Variants in DOCK2 observed in about 807,000 individuals in gnomAD.
DOCK2 encodes the protein dedicator of cytokinesis protein 2.
In DOCK2, 87 loss-of-function variants were observed where a neutral mutation model predicts 248.9. The observed-to-expected ratio is 0.35, with a 90% confidence interval of 0.29 to 0.42. The LOEUF (loss-of-function observed/expected upper bound fraction) is 0.42, where lower values mean the gene tolerates loss of function less well. Ranked by LOEUF, DOCK2 falls within the 10% of genes least tolerant of loss-of-function variation. DOCK2 has a pLI of 1.00. For missense variants in DOCK2, 1,747 were observed against 2,300.2 expected (o/e 0.76, Z 4.92); for synonymous variants, 805 against 821.6 (o/e 0.98, Z 0.35).
chr5:169,993,367 G>A (rs1581511890), intron 29 of DOCK2, among the ~76,000 whole-genome samples: 1 of 152,170 alleles, frequency 6.6e-6, no homozygotes, highest in Non-Finnish European at 1.5e-5. Flanking sequence ...CTGTTGTCTG[G>A]CTCTTGCCTT....
chr5:170,025,038 C>T, intron 33 of DOCK2, among the ~76,000 whole-genome samples: 1 of 152,228 alleles, frequency 6.6e-6, no homozygotes, highest in Middle Eastern at 3.2e-3. Context: ...AGAAAAAATG[C>T]ACTTTTCTCC....
chr5:169,925,389 G>A (rs1296476962), intron 27 of DOCK2, among the ~76,000 whole-genome samples: 1 of 152,018 alleles, frequency 6.6e-6, no homozygotes, highest in Admixed American at 6.5e-5. Context: ...AGACCAGCCT[G>A]GCCAACATGG....
intron 34 of DOCK2, among the ~76,000 whole-genome samples, chr5:170,034,140 G>A (rs996705524): frequency 6.6e-6 from 1 of 152,088 alleles, no homozygotes; most frequent in Non-Finnish European, 1.5e-5. Flanking sequence ...TTCTCAGCAG[G>A]GGTGGGTAAA....
At chr5:169,787,848 T>C (rs1045730752) in intron 25 of DOCK2, among the ~76,000 whole-genome samples, 1 of 151,996 alleles carries the variant, frequency 6.6e-6, no homozygotes, top group Non-Finnish European at 1.5e-5. Context: ...TTTCTGCTCC[T>C]TTTCATTTTA....
intron 27 of DOCK2, among the ~76,000 whole-genome samples, chr5:169,902,696 C>G (rs932342521): frequency 6.6e-6 from 1 of 152,170 alleles, no homozygotes; most frequent in Admixed American, 6.5e-5. Flanking sequence ...ATTTTTTCCT[C>G]AAATCCTTCT....
At chr5:169,852,761 A>G (rs1249540149) in intron 27 of DOCK2, among the ~76,000 whole-genome samples, 1 of 152,238 alleles carries the variant, frequency 6.6e-6, no homozygotes, top group African/African-American at 2.4e-5. Flanking sequence ...ATTATTTTAC[A>G]GGCCTGCCTT....
intron 27 of DOCK2, among the ~76,000 whole-genome samples, chr5:169,907,258 A>G (rs1191954157): frequency 3.9e-5 from 6 of 152,202 alleles, no homozygotes; most frequent in Non-Finnish European, 7.3e-5. Flanking sequence ...GATACTGAAG[A>G]TACAGCGATG....
At chr5:170,054,521 A>G (rs1175721389) in intron 41 of DOCK2, among the ~76,000 whole-genome samples, 1 of 152,224 alleles carries the variant, frequency 6.6e-6, no homozygotes, top group Non-Finnish European at 1.5e-5. Flanking sequence ...GGCATCACTA[A>G]TCCACCATGG....
intron 40 of DOCK2, 135 bp from the exon 41 acceptor site, chr5:170,050,121 T>C: frequency 8.5e-7 from 1 of 1,177,728 alleles, no homozygotes. Flanking sequence ...CCTTTCCCTG[T>C]GGGGAAACCA....
chr5:169,945,057 A>G (rs1776390595), intron 27 of DOCK2, among the ~76,000 whole-genome samples: 1 of 152,240 alleles, frequency 6.6e-6, no homozygotes, highest in Non-Finnish European at 1.5e-5. Context: ...TGACCAGGAC[A>G]AAAGAGCATT....
At chr5:169,897,207 A>G (rs1216855013) in intron 27 of DOCK2, among the ~76,000 whole-genome samples, 1 of 151,956 alleles carries the variant, frequency 6.6e-6, no homozygotes, top group East Asian at 1.9e-4. Context: ...TTTTTTTGAG[A>G]CAGAGTCTTG....
At chr5:169,706,122 G>A (rs1291093531) in intron 14 of DOCK2, among the ~76,000 whole-genome samples, 2 of 152,178 alleles carry the variant, frequency 1.3e-5, no homozygotes, top group Admixed American at 1.3e-4. Flanking sequence ...ACTATCTTTG[G>A]CTTTTCTCTG....
At chr5:169,691,343 G>A (rs1373277198) in intron 9 of DOCK2, among the ~76,000 whole-genome samples, 2 of 152,138 alleles carry the variant, frequency 1.3e-5, no homozygotes, top group Non-Finnish European at 2.9e-5. Flanking sequence ...CATGAGATTT[G>A]GGTGGGGACA....
chr5:169,986,624 A>G (rs755900337), intron 29 of DOCK2, among the ~76,000 whole-genome samples: 26 of 152,208 alleles, frequency 1.7e-4, no homozygotes, highest in Non-Finnish European at 3.2e-4. Context: ...AATCTTTTCT[A>G]ATATTCCCTT....
intron 27 of DOCK2, chr5:169,864,261 G>T: frequency 1.3e-6 from 2 of 1,550,168 alleles, no homozygotes; most frequent in Admixed American, 2.0e-5. Flanking sequence ...CTGGGGGATG[G>T]TCCCAACCAG....
intron 27 of DOCK2, among the ~76,000 whole-genome samples, chr5:169,942,745 G>T (rs1293977460): frequency 6.6e-6 from 1 of 152,148 alleles, no homozygotes; most frequent in Non-Finnish European, 1.5e-5. Context: ...GACCACGAGG[G>T]TTCAGGAAAC....
At chr5:170,078,278 T>C (rs6889919) in intron 48 of DOCK2, among the ~76,000 whole-genome samples, 18,453 of 152,178 alleles carry the variant, frequency 0.12, 1,404 homozygotes, top group African/African-American at 0.22. Context: ...GTCGGGGGTC[T>C]TCCCTCCCTT....
At chr5:169,866,006 G>A (rs1771528186) in intron 27 of DOCK2, among the ~76,000 whole-genome samples, 1 of 152,218 alleles carries the variant, frequency 6.6e-6, no homozygotes. Flanking sequence ...TTCTGAGATG[G>A]AAGAGGCAGG....
rs112646572 is a variant in DOCK2 at position 170,013,703 on chromosome 5, T to G, written c.3232+4957T>G. ...CATGCAACCCCTTTTAGGCTTCTGA[T>G]CTCCAGAAGTATTACACTTATTACA... On this transcript the variant is annotated intron_variant, in intron 32 of 51. Coordinates refer to ENST00000520908, the MANE Select transcript of DOCK2 (RefSeq NM_004946.3). Among the ~76,000 whole-genome samples the G allele has an allele frequency of 2.0e-5, 3 of 152,234 alleles. No homozygotes were observed. In the East Asian group the frequency reaches 5.8e-4, roughly 29 times the overall value.
Sources: allele counts gnomAD v4.1 joint callset (sites outside exome capture counted in the v4.1 genomes callset), GRCh38; gene constraint gnomAD v4.1.1; transcripts MANE v1.5; gene names NCBI Gene and HGNC (gene_info 2026-07-23, HGNC 2026-07-21).